DOCK8: variants seen among roughly 807,000 people sequenced by gnomAD.
DOCK8 encodes the protein dedicator of cytokinesis 8, also known as dedicator of cytokinesis protein 8.
In DOCK8, 141 loss-of-function variants were observed where a neutral mutation model predicts 245.6. The ratio of observed to expected loss-of-function variants is 0.57; its 90% CI spans 0.50 to 0.66. The LOEUF (loss-of-function observed/expected upper bound fraction) is 0.66. Ranked by LOEUF, DOCK8 falls within the 30% of genes least tolerant of loss-of-function variation. The pLI, the probability that DOCK8 is intolerant of heterozygous loss-of-function variation, is 0.00. For synonymous variants in DOCK8, 1,168 were observed against 970.2 expected (o/e 1.20, Z -3.79); for missense variants, 2,965 against 2,603.4 (o/e 1.14, Z -3.02).
At position 414,794 on chromosome 9, in the gene DOCK8, A is replaced by G. The variant is rs753242273; in HGVS notation, c.3543A>G (p.Val1181=). ...LDAEGEGISK[V]QRKAVSAIHS... is the part of the protein sequence containing the mutation. ...GTTGTGCCAACAGAATCAGCAAAGT[A>G]CAAAGGAAAGCTGTCAGTGCAATTC... The change falls in exon 29 of 48, where the codon GTA becomes GTG. Residue 1181 remains valine, a synonymous_variant. Transcript: ENST00000432829. The G allele has an allele frequency of 7.6e-5, 123 of 1,614,112 alleles. No individual in the cohort carries two copies. The highest frequency in any genetic ancestry group is 8.8e-5 in the Non-Finnish European group (104 of 1,180,030).
At chr9:310,673 C>CAGGA (rs1554664235) in intron 5 of DOCK8, among the ~76,000 whole-genome samples, 2 of 152,172 alleles carry the variant, frequency 1.3e-5, no homozygotes, top group African/African-American at 4.8e-5. Flanking sequence ...ATTGGCCAGT[C>CAGGA]TGATCTTGAA....
intron 44 of DOCK8, among the ~76,000 whole-genome samples, chr9:447,212 G>T (rs947479309): frequency 6.6e-6 from 1 of 152,134 alleles, no homozygotes; most frequent in Non-Finnish European, 1.5e-5. Flanking sequence ...TTAATAAAAG[G>T]ACTGGTCAAG....
chr9:271,545 C>T, intron 1 of DOCK8, 82 bp from the exon 2 acceptor site: 2 of 1,114,018 alleles, frequency 1.8e-6, no homozygotes, highest in Non-Finnish European at 2.6e-6. Flanking sequence ...CGTTTTATAA[C>T]ATGATATCAA....
At chr9:313,221 T>G (rs2050202819) in intron 6 of DOCK8, among the ~76,000 whole-genome samples, 1 of 152,240 alleles carries the variant, frequency 6.6e-6, no homozygotes, top group South Asian at 2.1e-4. Flanking sequence ...TTTGATGATC[T>G]AAAGGGCAAT....
At chr9:414,757 C>G (rs900853347) in intron 28 of DOCK8, 25 bp from the exon 29 acceptor site, 1 of 1,614,030 alleles carries the variant, frequency 6.2e-7, no homozygotes, top group African/African-American at 1.3e-5. Flanking sequence ...ACCATAACCT[C>G]TTGATTCCTG....
At chr9:325,371 A>G (rs2130804752) in intron 7 of DOCK8, among the ~76,000 whole-genome samples, 1 of 152,316 alleles carries the variant, frequency 6.6e-6, no homozygotes, top group South Asian at 2.1e-4. Flanking sequence ...AAGGTGAATC[A>G]CACTAAAGGT....
intron 14 of DOCK8, among the ~76,000 whole-genome samples, chr9:352,396 A>G (rs1387733038): frequency 6.6e-6 from 1 of 152,080 alleles, no homozygotes; most frequent in Non-Finnish European, 1.5e-5. Context: ...TTGTGATGAA[A>G]CTGAACCAAA....
intron 23 of DOCK8, 66 bp from the exon 24 acceptor site, chr9:390,405 A>G: frequency 6.9e-7 from 1 of 1,449,198 alleles, no homozygotes; most frequent in East Asian, 2.3e-5. Flanking sequence ...AAAAGAAAAG[A>G]AAAAAAGTGT....
chr9:349,877 A>G (rs1398438081), intron 14 of DOCK8, among the ~76,000 whole-genome samples: 1 of 152,202 alleles, frequency 6.6e-6, no homozygotes, highest in African/African-American at 2.4e-5. Flanking sequence ...GACTTGGATG[A>G]ATTTGCTTCT....
Position 414,921 on chromosome 9 carries a change from G to A in DOCK8, c.3670G>A (p.Asp1224Asn). ...LYLPLVGIILDALPQLCDFTV... is the reference protein window; with the variant it reads ...LYLPLVGIILNALPQLCDFTV... ...CCTACCTTTAGTTGGCATCATTTTG[G>A]ATGCTTTGCCACAGCTCTGTGACTT... Residue 1224 changes from aspartate (D) to asparagine (N), a missense_variant, in exon 29 of 48, where the codon GAT becomes AAT. Physicochemically the swap from Asp to Asn is conservative, Grantham distance 23 (BLOSUM62 1). Coordinates refer to ENST00000432829, the MANE Select transcript of DOCK8 (RefSeq NM_203447.4). 6.2e-7 allele frequency: 1 copy of A among 1,613,964 alleles called. No individual in the cohort carries two copies.
rs895620793 is a variant in DOCK8 at position 223,481 on chromosome 9, G to A, written c.53+8452G>A. Reference sequence around the variant, plus strand: ...ACTTTCCCTGGCCTCATAGCCCTCCGTGACTTCAAAGTATTCCTCTCTGGG... The same window carrying A: ...ACTTTCCCTGGCCTCATAGCCCTCCATGACTTCAAAGTATTCCTCTCTGGG... On this transcript the variant is annotated intron_variant, in intron 1 of 47. Coordinates refer to ENST00000432829, the MANE Select transcript of DOCK8 (RefSeq NM_203447.4). Among the ~76,000 whole-genome samples the A allele has an allele frequency of 4.6e-5, 7 of 152,048 alleles. No individual in the cohort carries two copies. In the South Asian group the frequency reaches 1.2e-3, roughly 27 times the overall value.
chr9:261,997 G>GAGAAAGAA (rs149792134), intron 1 of DOCK8, among the ~76,000 whole-genome samples: 27,654 of 146,716 alleles, frequency 0.19, 2,604 homozygotes, highest in East Asian at 0.22. Context: ...AAGAAAGAAG[G>GAGAAAGAA]AGAAAGAAAG....
At chr9:303,124 C>T (rs1396685528) in intron 4 of DOCK8, among the ~76,000 whole-genome samples, 1 of 151,660 alleles carries the variant, frequency 6.6e-6, no homozygotes, top group Non-Finnish European at 1.5e-5. Context: ...CACACCACTG[C>T]ACTCCATCCT....
intron 1 of DOCK8, among the ~76,000 whole-genome samples, chr9:237,294 A>G (rs1401947695): frequency 6.6e-6 from 1 of 152,262 alleles, no homozygotes; most frequent in Non-Finnish European, 1.5e-5. Flanking sequence ...CAAGAAGAAT[A>G]CAAGGTGCCA....
In DOCK8 at chr9:462,681, C is replaced by T. The variant is rs529415600; in HGVS notation, c.6069-836C>T. On this transcript the variant is annotated intron_variant, in intron 46 of 47. Transcript: ENST00000432829. ...TGTGATCATTCTAGCTTTGATTTTT[C>T]TCTTTCTTTCTGGCACCTGGTGTTC... is the stretch of plus-strand genomic sequence containing the variant. Among the ~76,000 whole-genome samples, 4 of 152,326 alleles carry T rather than the reference C, an allele frequency of 2.6e-5. No homozygotes were observed. In the South Asian group the frequency reaches 8.3e-4, roughly 32 times the overall value.
chr9:400,959 C>CCACCACCTCCACCAT (rs1586919770), intron 26 of DOCK8, among the ~76,000 whole-genome samples: 2 of 47,912 alleles, frequency 4.2e-5, no homozygotes, highest in East Asian at 4.3e-4. Context: ...ACCACCACCA[C>CCACCACCTCCACCAT]CACCACCTCC....
intron 5 of DOCK8, among the ~76,000 whole-genome samples, chr9:311,634 C>G (rs959953904): frequency 3.3e-5 from 5 of 151,992 alleles, no homozygotes; most frequent in African/African-American, 9.7e-5. Flanking sequence ...GAGGCTTGGC[C>G]CCCCCAGCCC....
At chr9:224,176 C>G (rs2046941985) in intron 1 of DOCK8, among the ~76,000 whole-genome samples, 2 of 152,146 alleles carry the variant, frequency 1.3e-5, no homozygotes, top group South Asian at 4.1e-4. Flanking sequence ...TTATTTAGAA[C>G]TGTTCATTCT....
At chr9:386,495 T>C (rs760673507) in intron 23 of DOCK8, 69 bp downstream of exon 23, 101 of 1,384,594 alleles carry the variant, frequency 7.3e-5, no homozygotes, top group Non-Finnish European at 1.0e-4. Context: ...GCCCTCACAC[T>C]GTGCTTGGGA....
Sources: allele counts gnomAD v4.1 joint callset (sites outside exome capture counted in the v4.1 genomes callset), GRCh38; gene constraint gnomAD v4.1.1; transcripts MANE v1.5; gene names NCBI Gene and HGNC (gene_info 2026-07-23, HGNC 2026-07-21).